The following AHCYL2 variants were observed in gnomAD, a reference collection of about 807,000 sequenced individuals.
The protein encoded by AHCYL2 is S-adenosylhomocysteine hydrolase-like protein 2.
AHCYL2 carries 28 observed loss-of-function variants against 81.4 expected under a neutral mutation model. The observed-to-expected ratio is 0.34, with a 90% confidence interval of 0.25 to 0.47. The LOEUF (loss-of-function observed/expected upper bound fraction) is 0.47, where lower values mean the gene tolerates loss of function less well. Among genes scored for constraint, AHCYL2 ranks in the 20% least tolerant of loss-of-function variants. The pLI, the probability that AHCYL2 is intolerant of heterozygous loss-of-function variation, is 1.00. For missense variants in AHCYL2, 551 were observed against 785.1 expected, an observed-to-expected ratio of 0.70 and a Z score of 3.56; for synonymous variants, 272 against 290.2, an observed-to-expected ratio of 0.94 and a Z score of 0.64.
chr7:129,225,351 A>T lies in AHCYL2; in HGVS notation c.275A>T (p.His92Leu). 1 of 1,514,162 alleles carries T rather than the reference A, an allele frequency of 6.6e-7. No individual in the cohort carries two copies. The highest frequency in any genetic ancestry group is 8.8e-7 in the Non-Finnish European group (1 of 1,137,700). The allele number at this position is 1,514,162 out of a possible 1,614,324, so 93.8% of individuals were successfully genotyped here. A position where few individuals can be genotyped will look rare whatever the true frequency, so the allele number is the denominator to read the frequency against. The change falls in exon 1 of 17, where the codon CAT becomes CTT. Residue 92 changes from histidine to leucine, a missense_variant. Coordinates refer to ENST00000325006, the MANE Select transcript of AHCYL2 (RefSeq NM_015328.4). ...TCGGCCATGAAGCGGAGCGACCCAC[A>T]TCACCAGCACCAGCGGCACCGCGAC... Reference protein sequence around the residue: ...QASAMKRSDPHHQHQRHRDGG... With the variant: ...QASAMKRSDPLHQHQRHRDGG...
In AHCYL2 at chr7:129,426,533, A is replaced by G; in HGVS notation, c.1799A>G (p.Lys600Arg). 1.2e-6 allele frequency: 2 copies of G among 1,614,060 alleles called. No homozygotes were observed. Among genetic ancestry groups the G allele is most frequent in the Non-Finnish European group, 1.7e-6 (2 of 1,179,962 alleles). The stretch of plus-strand genomic sequence containing the variant: ...CAGGCCAAGTATCTGGGACTCAACA[A>G]GAATGGGCCCTTCAAGCCTAATTAC... ...DEQAKYLGLN[K>R]NGPFKPNYYR... The change falls in exon 16 of 17, where the codon AAG (lysine) becomes AGG (arginine). Residue 600 changes from lysine (K) to arginine (R), a missense_variant. By Grantham distance (26) the Lys-to-Arg change is conservative. This residue lies in a region of AHCYL2 where 316 missense variants were observed against 543.1 expected (regional missense o/e 0.58). Coordinates refer to ENST00000325006, the MANE Select transcript of AHCYL2 (RefSeq NM_015328.4). This position sits in a 1 kb window ranked among gnomAD's most constrained non-coding sequence, Gnocchi z 4.3.
intron 1 of AHCYL2, among the ~76,000 whole-genome samples, chr7:129,231,882 T>C (rs1352501941): frequency 1.3e-5 from 2 of 152,198 alleles, no homozygotes; most frequent in Non-Finnish European, 2.9e-5. Context: ...CGTGCAACAG[T>C]TCAGTTAGCT....
At chr7:129,275,202 T>C (rs1014138119) in intron 1 of AHCYL2, among the ~76,000 whole-genome samples, 8 of 151,786 alleles carry the variant, frequency 5.3e-5, no homozygotes, top group African/African-American at 1.9e-4. Context: ...GGCCAACATA[T>C]TGAAACCCAA....
At chr7:129,378,319 A>T (rs970894364) in intron 1 of AHCYL2, among the ~76,000 whole-genome samples, 16 of 152,224 alleles carry the variant, frequency 1.1e-4, no homozygotes, top group South Asian at 2.1e-4. Context: ...TAAAAAAAAA[A>T]AAATAAATTT....
chr7:129,257,141 A>C (rs963957387), intron 1 of AHCYL2, among the ~76,000 whole-genome samples: 32 of 149,764 alleles, frequency 2.1e-4, no homozygotes, highest in African/African-American at 7.5e-4. Flanking sequence ...CCACCCAAAA[A>C]ACAGAAAAAC....
chr7:129,420,794 C>A (rs1417503319), intron 12 of AHCYL2, among the ~76,000 whole-genome samples: 3 of 151,960 alleles, frequency 2.0e-5, no homozygotes, highest in Non-Finnish European at 4.4e-5. Flanking sequence ...CTCTTAAGTT[C>A]TTTTTAACCC....
intron 1 of AHCYL2, among the ~76,000 whole-genome samples, chr7:129,290,937 A>C (rs188763044): frequency 8.5e-5 from 13 of 152,068 alleles, no homozygotes; most frequent in South Asian, 4.2e-4. Context: ...CTCAAAAAAA[A>C]AAAACAAAAC....
At chr7:129,425,239 A>G (rs1245752286) in intron 15 of AHCYL2, 98 bp downstream of exon 15, 40 of 1,007,674 alleles carry the variant, frequency 4.0e-5, no homozygotes, top group South Asian at 2.8e-5. Context: ...GGATGGGGGA[A>G]AAAAGGTACC....
At chr7:129,281,783 C>A (rs1433852990) in intron 1 of AHCYL2, among the ~76,000 whole-genome samples, 1 of 152,124 alleles carries the variant, frequency 6.6e-6, no homozygotes. Flanking sequence ...CAGGCGTGAG[C>A]CACTGCACCT....
chr7:129,225,065 G>A lies in AHCYL2; in HGVS notation c.-12G>A, dbSNP rs1192784562. ...GCTGGAGTCTGAGCCGGTGGTTGCAGCGGAGGCGGTGATGTCGGTGCAGGT... is the reference window on the plus strand; with the variant it reads ...GCTGGAGTCTGAGCCGGTGGTTGCAACGGAGGCGGTGATGTCGGTGCAGGT... On this transcript the variant is annotated 5_prime_UTR_variant, in exon 1 of 17. Transcript: ENST00000325006. 1 of 1,581,838 alleles carries A rather than the reference G, an allele frequency of 6.3e-7. No homozygotes were observed. Among genetic ancestry groups the A allele is most frequent in the Non-Finnish European group, 8.6e-7 (1 of 1,165,682 alleles).
At chr7:129,392,877 A>G (rs1795538195) in intron 4 of AHCYL2, among the ~76,000 whole-genome samples, 1 of 152,210 alleles carries the variant, frequency 6.6e-6, no homozygotes, top group African/African-American at 2.4e-5. Flanking sequence ...CATGACCTTG[A>G]CACTTTTGAA....
At chr7:129,425,232 TG>T (rs1797306994) in intron 15 of AHCYL2, 91 bp downstream of exon 15, 2 of 1,150,150 alleles carry the variant, frequency 1.7e-6, no homozygotes, top group South Asian at 1.3e-5. Context: ...TACTTAAGGA[TG>T]GGGGAAAAAA....
intron 2 of AHCYL2, among the ~76,000 whole-genome samples, chr7:129,383,331 A>AAT (rs1795051437): frequency 6.6e-6 from 1 of 151,806 alleles, no homozygotes; most frequent in South Asian, 2.1e-4. Flanking sequence ...ACATCTGGCT[A>AAT]ATTTTTTAAA....
At chr7:129,265,249 C>T (rs1037161082) in intron 1 of AHCYL2, among the ~76,000 whole-genome samples, 6 of 152,094 alleles carry the variant, frequency 3.9e-5, no homozygotes, top group Middle Eastern at 3.2e-3. Context: ...GGCATTATTT[C>T]AGCATTATAT....
At chr7:129,328,038 T>C (rs1404788205) in intron 1 of AHCYL2, among the ~76,000 whole-genome samples, 1 of 152,202 alleles carries the variant, frequency 6.6e-6, no homozygotes, top group Non-Finnish European at 1.5e-5. Flanking sequence ...CCTCAAGTGA[T>C]CTTCCTATGT....
intron 1 of AHCYL2, among the ~76,000 whole-genome samples, chr7:129,307,502 T>C (rs984306037): frequency 1.1e-4 from 16 of 151,858 alleles, no homozygotes; most frequent in African/African-American, 3.4e-4. Context: ...TTCAGGGCAG[T>C]GGGCTCCCCT....
rs755036826 is a variant in AHCYL2, at chr7:129,397,330, A to G, written c.823+6A>G. ...TGCTGCTCTAGCAGAAAGTGGTAAG[A>G]GCTTATTCTCTGTGCCTTTGGCTAA... On this transcript the variant is annotated splice_donor_region_variant and intron_variant, in intron 5 of 16. Coordinates refer to ENST00000325006, the MANE Select transcript of AHCYL2 (RefSeq NM_015328.4). The G allele has an allele frequency of 3.7e-6, 6 of 1,613,322 alleles. No individual in the cohort carries two copies. The highest frequency in any genetic ancestry group is 5.1e-6 in the Non-Finnish European group (6 of 1,179,766).
rs1563239460 is a variant in AHCYL2 at position 129,405,186 on chromosome 7, A to C, written c.1115A>C (p.Tyr372Ser). 6.2e-7 allele frequency: 1 copy of C among 1,608,444 alleles called. No homozygotes were observed. Among genetic ancestry groups the C allele is most frequent in the Non-Finnish European group, 8.5e-7 (1 of 1,177,478 alleles). Reference protein sequence around the residue: ...SVTKQKFDNLYCCRESILDGL... With the variant: ...SVTKQKFDNLSCCRESILDGL... Reference sequence around the variant, plus strand: ...ACCAAACAGAAATTTGACAACCTCTACTGTTGCCGTGAATCAATTCTTGAT... The same window carrying C: ...ACCAAACAGAAATTTGACAACCTCTCCTGTTGCCGTGAATCAATTCTTGAT... Residue 372 changes from tyrosine (Y) to serine (S), a missense_variant, in exon 8 of 17, where the codon TAC becomes TCC. Around this residue, in one of 2 missense-constraint regions of AHCYL2, gnomAD observed 316 missense variants for 543.1 expected, o/e 0.58. Transcript: ENST00000325006.
intron 1 of AHCYL2, among the ~76,000 whole-genome samples, chr7:129,303,127 A>G (rs529807933): frequency 1.3e-5 from 2 of 152,198 alleles, no homozygotes; most frequent in East Asian, 3.9e-4. Flanking sequence ...CAGCCTCCCA[A>G]GTAGCTGCGA....
Sources: gnomAD v4.1 joint callset for allele counts (sites outside exome capture counted in the v4.1 genomes callset) on GRCh38, gnomAD v4.1.1 for gene constraint, gnomAD v4.1.1 regional missense constraint, Gnocchi (gnomAD v3.1) non-coding constraint, MANE v1.5 for transcripts, NCBI Gene and HGNC (gene_info 2026-07-23, HGNC 2026-07-21) for gene names.